SDK1: variants seen among roughly 807,000 people sequenced by gnomAD.
SDK1 encodes the protein protein sidekick-1.
A neutral mutation model predicts 245.5 loss-of-function variants in SDK1; 157 were observed. That is an observed-to-expected ratio of 0.64 (90% CI 0.56 to 0.73). The LOEUF (loss-of-function observed/expected upper bound fraction) is 0.73, where lower values mean the gene tolerates loss of function less well. SDK1 is among the 30% of genes least tolerant of loss of function. SDK1 has a pLI of 0.00. For synonymous variants in SDK1, 1,647 were observed against 1,278.5 expected (o/e 1.29, Z -6.15); for missense variants, 3,583 against 3,002.3 (o/e 1.19, Z -4.52).
intron 4 of SDK1, among the ~76,000 whole-genome samples, chr7:3,705,130 C>T (rs2115011906): frequency 6.6e-6 from 1 of 152,094 alleles, no homozygotes; most frequent in East Asian, 1.9e-4. Context: ...GTGATGCTTC[C>T]AGATTTGTTC....
Position 3,321,845 on chromosome 7 carries a change from C to G in SDK1, c.298+19961C>G, listed in dbSNP as rs77648701. Among the ~76,000 whole-genome samples the G allele has an allele frequency of 4.7e-3, 670 of 141,502 alleles. 11 individuals carry two copies. The highest frequency in any genetic ancestry group is 0.017 in the African/African-American group (639 of 37,634). The allele number at this position is 141,502 out of a possible 152,430, so 92.8% of individuals were successfully genotyped here. A position where few individuals can be genotyped will look rare whatever the true frequency, so the allele number is the denominator to read the frequency against. ...CCTTCCTTCCTCCTTTTCTCTCTCT[C>G]TCTCTCTCTTTCTCTCTTTGTTTCC... On this transcript the variant is annotated intron_variant, in intron 1 of 44. Coordinates refer to ENST00000404826, the MANE Select transcript of SDK1 (RefSeq NM_152744.4).
chr7:3,793,816 G>A (rs764268326), intron 4 of SDK1, among the ~76,000 whole-genome samples: 1 of 151,996 alleles, frequency 6.6e-6, no homozygotes, highest in Non-Finnish European at 1.5e-5. Flanking sequence ...AGGGGTGGGG[G>A]TGGAGAGCCA....
Position 4,144,875 on chromosome 7 carries a change from G to A in SDK1, c.4229-847G>A, listed in dbSNP as rs374440463. Among the ~76,000 whole-genome samples the A allele has an allele frequency of 3.9e-5, 6 of 152,122 alleles. No individual in the cohort carries two copies. The East Asian group carries it at 5.8e-4, about 15-fold the overall frequency. On this transcript the variant is annotated intron_variant, in intron 28 of 44. Coordinates refer to ENST00000404826, the MANE Select transcript of SDK1 (RefSeq NM_152744.4). ...GTTGATTTTTTTTGGAAGCCACAGC[G>A]CCCCGTCATTTCTGGTTTTAATCAG...
intron 13 of SDK1, among the ~76,000 whole-genome samples, chr7:3,982,946 G>A (rs1475169155): frequency 2.6e-5 from 4 of 152,186 alleles, no homozygotes; most frequent in Non-Finnish European, 4.4e-5. Flanking sequence ...GAGGCTGGAG[G>A]GGTTCAAGGC....
intron 1 of SDK1, among the ~76,000 whole-genome samples, chr7:3,602,505 C>A (rs887526162): frequency 6.6e-6 from 1 of 152,062 alleles, no homozygotes; most frequent in African/African-American, 2.4e-5. Context: ...TATGCTTCGC[C>A]CACTTTTTGA....
chr7:3,620,003 A>G (rs190340038), intron 2 of SDK1, among the ~76,000 whole-genome samples: 1 of 152,302 alleles, frequency 6.6e-6, no homozygotes, highest in East Asian at 1.9e-4. Context: ...CAGGATGGAG[A>G]ACTAGCATGC....
At chr7:3,553,861 T>C (rs1038361730) in intron 1 of SDK1, among the ~76,000 whole-genome samples, 1 of 152,120 alleles carries the variant, frequency 6.6e-6, no homozygotes, top group Admixed American at 6.5e-5. Context: ...CACTGGGCAT[T>C]AGGCCTGGGG....
At chr7:3,815,164 G>C (rs1219419294) in intron 4 of SDK1, among the ~76,000 whole-genome samples, 2 of 105,164 alleles carry the variant, frequency 1.9e-5, no homozygotes, top group African/African-American at 8.3e-5. Flanking sequence ...AATAGGAGTG[G>C]TGAGAGAGGG....
At chr7:3,797,710 T>C (rs557929668) in intron 4 of SDK1, among the ~76,000 whole-genome samples, 2 of 152,294 alleles carry the variant, frequency 1.3e-5, no homozygotes, top group Non-Finnish European at 2.9e-5. Context: ...GGAATTTTAT[T>C]TTGCTGTATG....
chr7:3,655,419 G>A (rs190057375), intron 4 of SDK1, among the ~76,000 whole-genome samples: 312 of 136,530 alleles, frequency 2.3e-3, no homozygotes, highest in Non-Finnish European at 3.9e-3. Context: ...GGCAACAAGA[G>A]CGCAACTGTC....
At chr7:3,886,132 C>T (rs2128100608) in intron 5 of SDK1, among the ~76,000 whole-genome samples, 1 of 152,334 alleles carries the variant, frequency 6.6e-6, no homozygotes, top group South Asian at 2.1e-4. Flanking sequence ...TGGTGCAAAA[C>T]ACGGACTGTA....
intron 5 of SDK1, among the ~76,000 whole-genome samples, chr7:3,927,160 T>C (rs1419578527): frequency 6.6e-6 from 1 of 152,152 alleles, no homozygotes; most frequent in Middle Eastern, 3.2e-3. Context: ...CTGCGAGATC[T>C]TACTGAACCA....
In SDK1 at chr7:3,509,534, G is replaced by C. The variant is rs1328608191; in HGVS notation, c.299-109546G>C. Among the ~76,000 whole-genome samples the C allele has an allele frequency of 2.6e-5, 4 of 152,118 alleles. No individual in the cohort carries two copies. The East Asian group carries it at 5.8e-4, about 22-fold the overall frequency. On this transcript the variant is annotated intron_variant, in intron 1 of 44. Coordinates refer to ENST00000404826, the MANE Select transcript of SDK1 (RefSeq NM_152744.4). ...TATTAAATACAACCACAATGTTTGG[G>C]GCCGTTGTGTTACCTCCATTTTACA...
chr7:4,265,851 C>T lies in SDK1; in HGVS notation c.*467C>T. Reference sequence around the variant, plus strand: ...TCACACCCTTCTCAACGCAGGACATCCTCGGCGGCTCCTGGGGTTTGAAGA... The same window carrying T: ...TCACACCCTTCTCAACGCAGGACATTCTCGGCGGCTCCTGGGGTTTGAAGA... On this transcript the variant is annotated 3_prime_UTR_variant, in exon 45 of 45. Transcript: ENST00000404826. 4 of 990,196 alleles carry T rather than the reference C, an allele frequency of 4.0e-6. No homozygotes were observed. Among genetic ancestry groups the T allele is most frequent in the African/African-American group, 3.5e-5 (2 of 57,532 alleles). The allele number at this position is 990,196 out of a possible 1,614,324, so 61.3% of individuals were successfully genotyped here.
chr7:3,948,916 C>T (rs1780685309), intron 5 of SDK1, among the ~76,000 whole-genome samples: 1 of 152,064 alleles, frequency 6.6e-6, no homozygotes, highest in Non-Finnish European at 1.5e-5. Context: ...CCACTGCCTC[C>T]CTTCACTTCA....
At chr7:4,106,797 C>T (rs144437255) in intron 22 of SDK1, among the ~76,000 whole-genome samples, 2 of 152,118 alleles carry the variant, frequency 1.3e-5, no homozygotes, top group Non-Finnish European at 2.9e-5. Flanking sequence ...TCCTCTTGGT[C>T]GTGGGGGTGG....
intron 1 of SDK1, among the ~76,000 whole-genome samples, chr7:3,447,267 T>G (rs986448197): frequency 2.0e-5 from 3 of 152,212 alleles, no homozygotes; most frequent in Admixed American, 2.0e-4. Flanking sequence ...TAGTAACAAT[T>G]GGAATGATTA....
chr7:3,516,404 T>G (rs1462518067), intron 1 of SDK1, among the ~76,000 whole-genome samples: 1 of 152,104 alleles, frequency 6.6e-6, no homozygotes, highest in Admixed American at 6.6e-5. Context: ...AACCAACAAC[T>G]AACTTTTATA....
intron 5 of SDK1, among the ~76,000 whole-genome samples, chr7:3,899,455 A>C (rs1030346796): frequency 6.6e-6 from 1 of 152,232 alleles, no homozygotes; most frequent in Non-Finnish European, 1.5e-5. Context: ...TTCTCTCGGC[A>C]TCAGCTTCCT....
Sources: gnomAD v4.1 joint callset for allele counts (sites outside exome capture counted in the v4.1 genomes callset) on GRCh38, gnomAD v4.1.1 for gene constraint, MANE v1.5 for transcripts, NCBI Gene and HGNC (gene_info 2026-07-23, HGNC 2026-07-21) for gene names.